Variants in LRP1B observed in about 807,000 individuals in gnomAD.
LRP1B encodes LDL receptor related protein 1B.
In LRP1B, 217 loss-of-function variants were observed where a neutral mutation model predicts 556.6. The ratio of observed to expected loss-of-function variants is 0.39; its 90% CI spans 0.35 to 0.44. The LOEUF (loss-of-function observed/expected upper bound fraction) is 0.44, where lower values mean the gene tolerates loss of function less well. Among genes scored for constraint, LRP1B ranks in the 20% least tolerant of loss-of-function variants. The pLI is 1.00. For synonymous variants in LRP1B, 2,047 were observed against 1,865.8 expected (o/e 1.10, Z -2.50); for missense variants, 5,053 against 5,620.8 (o/e 0.90, Z 3.23).
At chr2:141,596,124 T>C (rs569558872) in intron 2 of LRP1B, among the ~76,000 whole-genome samples, 1 of 152,128 alleles carries the variant, frequency 6.6e-6, no homozygotes, top group South Asian at 2.1e-4. Context: ...ACCTTTTGTT[T>C]ATATTTTCTA....
intron 2 of LRP1B, among the ~76,000 whole-genome samples, chr2:141,685,467 AC>A (rs1691261480): frequency 6.6e-6 from 1 of 152,064 alleles, no homozygotes; most frequent in Non-Finnish European, 1.5e-5. Flanking sequence ...GGTGGACCAT[AC>A]TAAACTGAGT....
intron 35 of LRP1B, among the ~76,000 whole-genome samples, chr2:140,723,104 C>T (rs1020669354): frequency 1.3e-5 from 2 of 152,094 alleles, no homozygotes; most frequent in African/African-American, 2.4e-5. Flanking sequence ...TCATCTTCTT[C>T]ATCAATGCTA....
intron 21 of LRP1B, among the ~76,000 whole-genome samples, chr2:140,919,996 A>G (rs972850737): frequency 2.6e-5 from 4 of 152,076 alleles, no homozygotes; most frequent in Non-Finnish European, 5.9e-5. Context: ...AACCTTATAC[A>G]ATCCTACTTT....
intron 2 of LRP1B, among the ~76,000 whole-genome samples, chr2:141,540,698 A>C (rs1685227993): frequency 6.6e-6 from 1 of 152,014 alleles, no homozygotes; most frequent in African/African-American, 2.4e-5. Flanking sequence ...AATGAGACTA[A>C]ACATTATTAC....
intron 87 of LRP1B, among the ~76,000 whole-genome samples, chr2:140,243,929 T>A (rs1180428186): frequency 6.6e-6 from 1 of 151,402 alleles, no homozygotes; most frequent in Non-Finnish European, 1.5e-5. Flanking sequence ...ATCTTTGCCC[T>A]TTTTATCTTT....
chr2:140,549,317 A>G (rs1019105066), intron 43 of LRP1B, among the ~76,000 whole-genome samples: 5 of 152,206 alleles, frequency 3.3e-5, no homozygotes, highest in Admixed American at 2.6e-4. Flanking sequence ...TAAACAAAAT[A>G]ATAATCTTGC....
chr2:141,068,545 A>C (rs72981100), intron 7 of LRP1B, among the ~76,000 whole-genome samples: 1,803 of 146,294 alleles, frequency 0.012, 30 homozygotes, highest in African/African-American at 0.044. Context: ...TCCTGACTGC[A>C]CATGTGGTTG....
At chr2:141,000,982 G>A (rs1406745787) in intron 15 of LRP1B, among the ~76,000 whole-genome samples, 1 of 151,836 alleles carries the variant, frequency 6.6e-6, no homozygotes, top group African/African-American at 2.4e-5. Context: ...AAGAATGAAA[G>A]AAATAGGAAA....
chr2:141,638,860 C>CATATATAT (rs144725766), intron 2 of LRP1B, among the ~76,000 whole-genome samples: 5 of 53,360 alleles, frequency 9.4e-5, no homozygotes, highest in African/African-American at 3.0e-4. Flanking sequence ...GTAAGGTAGC[C>CATATATAT]ATATATATAT....
intron 32 of LRP1B, among the ~76,000 whole-genome samples, chr2:140,798,157 A>T (rs1312038962): frequency 3.9e-5 from 6 of 152,168 alleles, no homozygotes; most frequent in Non-Finnish European, 7.3e-5. Flanking sequence ...CTACCTAAGG[A>T]CAGGGAATTG....
At position 141,778,660 on chromosome 2, in the gene LRP1B, A is replaced by G. The variant is rs567542609; in HGVS notation, c.205+31619T>C. 5.9e-5 allele frequency among the ~76,000 whole-genome samples: 9 copies of G among 152,350 alleles called. No individual in the cohort carries two copies. The East Asian group carries it at 1.4e-3, about 23-fold the overall frequency. On this transcript the variant is annotated intron_variant, in intron 2 of 90. Coordinates refer to ENST00000389484, the MANE Select transcript of LRP1B (RefSeq NM_018557.3). ...TTCAAAACAAATGTATGGTATGACC[A>G]TGAACTACAAAATGTAATGGGGCAG...
chr2:140,531,833 C>G (rs1160901022), intron 47 of LRP1B, among the ~76,000 whole-genome samples: 1 of 152,108 alleles, frequency 6.6e-6, no homozygotes, highest in African/African-American at 2.4e-5. Context: ...GCCCTCTTAC[C>G]CTTTCTGTAG....
chr2:140,450,777 G>A, intron 62 of LRP1B, 116 bp from the exon 63 acceptor site: 1 of 651,374 alleles, frequency 1.5e-6, no homozygotes, highest in Non-Finnish European at 2.6e-6. Context: ...GTGAACAATG[G>A]TGATTTTGGA....
At chr2:141,884,871 T>C (rs889889388) in intron 1 of LRP1B, among the ~76,000 whole-genome samples, 1 of 152,086 alleles carries the variant, frequency 6.6e-6, no homozygotes, top group Admixed American at 6.6e-5. Context: ...ACCCGGTGAA[T>C]AGGAAATCAG....
intron 1 of LRP1B, among the ~76,000 whole-genome samples, chr2:142,040,177 T>C (rs1475262300): frequency 6.6e-6 from 1 of 151,470 alleles, no homozygotes; most frequent in African/African-American, 2.4e-5. Context: ...ATCTGGTTTC[T>C]AATGATTGAC....
intron 80 of LRP1B, 99 bp from the exon 81 acceptor site, chr2:140,324,165 TTAAAAA>T (rs1214882102): frequency 5.6e-5 from 36 of 645,060 alleles, no homozygotes; most frequent in African/African-American, 4.2e-4. Flanking sequence ...TTATTACTGT[TTAAAAA>T]TAAACTTTCA....
At chr2:141,264,601 C>T (rs1445929936) in intron 3 of LRP1B, among the ~76,000 whole-genome samples, 1 of 151,970 alleles carries the variant, frequency 6.6e-6, no homozygotes, top group Admixed American at 6.6e-5. Context: ...ACCACAAGTG[C>T]CCGCCATCAC....
At chr2:141,996,229 CG>C (rs1702488131) in intron 1 of LRP1B, among the ~76,000 whole-genome samples, 1 of 4,700 alleles carries the variant, frequency 2.1e-4, no homozygotes, top group Non-Finnish European at 4.0e-4. Flanking sequence ...AAAAAAAAAA[CG>C]TTATAAGTGA....
intron 6 of LRP1B, among the ~76,000 whole-genome samples, chr2:141,193,312 T>C (rs1319180825): frequency 6.6e-6 from 1 of 151,978 alleles, no homozygotes; most frequent in Non-Finnish European, 1.5e-5. Flanking sequence ...ATAAGCACCA[T>C]TCACAATAGC....
Sources: allele counts gnomAD v4.1 joint callset (sites outside exome capture counted in the v4.1 genomes callset), GRCh38; gene constraint gnomAD v4.1.1; transcripts MANE v1.5; gene names NCBI Gene and HGNC (gene_info 2026-07-23, HGNC 2026-07-21).